SANBR: variants seen among roughly 807,000 people sequenced by gnomAD.
SANBR encodes the protein SANT and BTB domain regulator of CSR, also known as SANT and BTB domain regulator of class switch recombination.
Under a neutral mutation model 101.8 loss-of-function variants are expected in SANBR, and 77 were observed. The ratio of observed to expected loss-of-function variants is 0.76; its 90% CI spans 0.63 to 0.91. SANBR has a LOEUF of 0.91. Ranked by LOEUF, SANBR falls within the 40% of genes least tolerant of loss-of-function variation. The pLI is 0.00. For missense variants in SANBR, 875 were observed against 853.0 expected, an observed-to-expected ratio of 1.03 and a Z score of -0.32; for synonymous variants, 279 against 274.7, an observed-to-expected ratio of 1.02 and a Z score of -0.15.
At chr2:61,066,211 C>G (rs897643429) in intron 1 of SANBR, 184 bp downstream of exon 1, 49 of 152,894 alleles carry the variant, frequency 3.2e-4, no homozygotes, top group African/African-American at 1.1e-3. Context: ...GAGCAGCCAG[C>G]TGGCCCGCGT....
In SANBR at chr2:61,083,144, G is replaced by T. The variant is rs1210284727; in HGVS notation, c.730-10G>T. On this transcript the variant is annotated splice_polypyrimidine_tract_variant and intron_variant, in intron 7 of 21. Transcript: ENST00000402291. ...ACTATTTTCGACATTTATTTTCTAT[G>T]ATTTTTTAGGTTGAACAGTGTATTC... 2 of 1,591,606 alleles carry T rather than the reference G, an allele frequency of 1.3e-6. No homozygotes were observed. Among genetic ancestry groups the T allele is most frequent in the South Asian group, 1.1e-5 (1 of 88,362 alleles).
At chr2:61,094,331 A>G (rs1682923368) in intron 11 of SANBR, among the ~76,000 whole-genome samples, 1 of 152,146 alleles carries the variant, frequency 6.6e-6, no homozygotes, top group Non-Finnish European at 1.5e-5. Context: ...TTCTCTATAT[A>G]TAGTTTTGCC....
At chr2:61,092,432 A>C (rs756043981) in intron 10 of SANBR, 32 bp from the exon 11 acceptor site, 3 of 1,485,164 alleles carry the variant, frequency 2.0e-6, no homozygotes, top group African/African-American at 1.4e-5. Flanking sequence ...TGTTTATATC[A>C]CTTGCTTGTA....
chr2:61,097,422 CTTTTTTTT>C (rs887303789), intron 11 of SANBR, among the ~76,000 whole-genome samples: 1 of 150,916 alleles, frequency 6.6e-6, no homozygotes, highest in East Asian at 1.9e-4. Context: ...CTGCAATTCA[CTTTTTTTT>C]TGGTAAATTT....
chr2:61,102,031 C>A (rs555141718), intron 12 of SANBR, among the ~76,000 whole-genome samples: 2 of 151,478 alleles, frequency 1.3e-5, no homozygotes, highest in South Asian at 4.2e-4. Flanking sequence ...GACTCCATCT[C>A]AAAAAAACCA....
In SANBR at chr2:61,083,152, A is replaced by C; in HGVS notation, c.730-2A>C. 1 of 1,597,906 alleles carries C rather than the reference A, an allele frequency of 6.3e-7. No individual in the cohort carries two copies. The highest frequency in any genetic ancestry group is 8.5e-7 in the Non-Finnish European group (1 of 1,169,830). On this transcript the variant is annotated splice_acceptor_variant, in intron 7 of 21. Coordinates refer to ENST00000402291, the MANE Select transcript of SANBR (RefSeq NM_001129993.3). LOFTEE classifies it high-confidence loss of function. ...CGACATTTATTTTCTATGATTTTTTAGGTTGAACAGTGTATTCAGTATTGC... is the reference window on the plus strand; with the variant it reads ...CGACATTTATTTTCTATGATTTTTTCGGTTGAACAGTGTATTCAGTATTGC...
intron 6 of SANBR, among the ~76,000 whole-genome samples, chr2:61,080,082 A>G (rs1053553215): frequency 6.0e-5 from 9 of 150,900 alleles, no homozygotes; most frequent in Admixed American, 6.6e-5. Context: ...CTGTAGTCCC[A>G]GCTACTCGGG....
Position 61,077,061 on chromosome 2 carries a change from C to T in SANBR, c.573C>T (p.Asp191=). ...ATGCCCAGCGCTGGGAAGAGGTGGA[C>T]ATTTCAGTTCATTGCGACGTTCACA... ...SMDAQRWEEV[D]ISVHCDVHIF... is the part of the protein sequence containing the mutation. The change falls in exon 6 of 22, where the codon GAC becomes GAT. Residue 191 remains aspartate, a synonymous_variant. Transcript: ENST00000402291. The T allele has an allele frequency of 6.2e-7, 1 of 1,613,984 alleles. No homozygotes were observed. Among genetic ancestry groups the T allele is most frequent in the Non-Finnish European group, 8.5e-7 (1 of 1,179,918 alleles).
At chr2:61,089,675 C>G (rs1682638661) in intron 10 of SANBR, 2 of 152,068 alleles carry the variant, frequency 1.3e-5, no homozygotes, top group African/African-American at 4.8e-5. Flanking sequence ...AACTCCATCT[C>G]AAATAAATAA....
At chr2:61,129,505 C>T (rs180890735) in intron 20 of SANBR, among the ~76,000 whole-genome samples, 1 of 150,822 alleles carries the variant, frequency 6.6e-6, no homozygotes, top group Non-Finnish European at 1.5e-5. Context: ...GACAGTAATA[C>T]ACACACAAAG....
At chr2:61,094,388 T>G (rs1682925984) in intron 11 of SANBR, among the ~76,000 whole-genome samples, 1 of 152,238 alleles carries the variant, frequency 6.6e-6, no homozygotes, top group African/African-American at 2.4e-5. Context: ...TTTAGCTTTT[T>G]GAATCTAGCT....
chr2:61,066,282 C>G (rs1009307363), intron 1 of SANBR: 6 of 152,714 alleles, frequency 3.9e-5, no homozygotes, highest in Non-Finnish European at 8.8e-5. Context: ...GCGGCGGGAA[C>G]CCCAGCTTCT....
At chr2:61,081,965 A>G (rs537982851) in intron 7 of SANBR, among the ~76,000 whole-genome samples, 15 of 151,784 alleles carry the variant, frequency 9.9e-5, no homozygotes, top group Admixed American at 5.3e-4. Context: ...CTCCTTTTCT[A>G]TGTTAGCAAA....
exon 22 of SANBR, chr2:61,137,975 A>G (rs1684898216): frequency 6.6e-6 from 1 of 152,170 alleles, no homozygotes; most frequent in Non-Finnish European, 1.5e-5. Flanking sequence ...AGTTTATTTT[A>G]GCTACTCAGT....
At chr2:61,133,449 T>A (rs1355986477) in intron 20 of SANBR, among the ~76,000 whole-genome samples, 1 of 151,500 alleles carries the variant, frequency 6.6e-6, no homozygotes. Context: ...TTATGTGAAT[T>A]TCACTTTCAA....
intron 10 of SANBR, chr2:61,088,930 A>T (rs2104893864): frequency 1.1e-6 from 1 of 892,698 alleles, no homozygotes; most frequent in Non-Finnish European, 1.3e-6. Context: ...TTAGAAAAAT[A>T]CTTTCTAAAC....
intron 12 of SANBR, among the ~76,000 whole-genome samples, chr2:61,098,800 A>G (rs762762488): frequency 6.6e-6 from 1 of 152,232 alleles, no homozygotes; most frequent in Admixed American, 6.5e-5. Flanking sequence ...TGTGCTATAC[A>G]CTGTGCAAGG....
intron 6 of SANBR, among the ~76,000 whole-genome samples, chr2:61,080,851 G>A (rs1236983003): frequency 6.6e-6 from 1 of 152,140 alleles, no homozygotes; most frequent in Non-Finnish European, 1.5e-5. Context: ...GTACTGTAAT[G>A]ATGCAAAACA....
chr2:61,113,859 G>A (rs926397518), intron 16 of SANBR, among the ~76,000 whole-genome samples: 2 of 152,194 alleles, frequency 1.3e-5, no homozygotes, highest in African/African-American at 4.8e-5. Flanking sequence ...CGTTAAGTAT[G>A]TAATGTCAGT....
Sources: gnomAD v4.1 joint callset for allele counts (sites outside exome capture counted in the v4.1 genomes callset) on GRCh38, gnomAD v4.1.1 for gene constraint, MANE v1.5 for transcripts, NCBI Gene and HGNC (gene_info 2026-07-23, HGNC 2026-07-21) for gene names.